Variants in KIF13B observed in about 807,000 individuals in gnomAD.
KIF13B encodes kinesin-like protein KIF13B.
In KIF13B, 127 loss-of-function variants were observed where a neutral mutation model predicts 222.0. The observed-to-expected ratio is 0.57, with a 90% CI of 0.50 to 0.66. KIF13B has a LOEUF of 0.66. Ranked by LOEUF, KIF13B falls within the 30% of genes least tolerant of loss-of-function variation. The pLI, the probability that KIF13B is intolerant of heterozygous loss-of-function variation, is 0.00. For missense variants in KIF13B, 2,173 were observed against 2,379.0 expected, an observed-to-expected ratio of 0.91 and a Z score of 1.80; for synonymous variants, 976 against 919.0, an observed-to-expected ratio of 1.06 and a Z score of -1.12.
chr8:29,116,674 AAGCAAGCATGGGTACAGGACAGC>A (rs1809610868), intron 31 of KIF13B, among the ~76,000 whole-genome samples, 134 bp downstream of exon 31: 2 of 152,184 alleles, frequency 1.3e-5, no homozygotes, highest in African/African-American at 2.4e-5. Flanking sequence ...CTGAGGCTTG[AAGCAAGCATGGGTACAGGACAGC>A]AGCAGTCACC....
At chr8:29,234,872 G>C (rs1815438689) in intron 2 of KIF13B, among the ~76,000 whole-genome samples, 1 of 152,108 alleles carries the variant, frequency 6.6e-6, no homozygotes, top group East Asian at 1.9e-4. Context: ...GGAGCCGGAA[G>C]AGGGCAGAAA....
At chr8:29,189,294 T>TG in intron 4 of KIF13B, 2 of 152,154 alleles carry the variant, frequency 1.3e-5, no homozygotes, top group Middle Eastern at 6.8e-3. Context: ...CCTTTTTTTT[T>TG]TTTTTTAATA....
rs895741450 is a variant in KIF13B, at chr8:29,165,899, T to A, written c.1159-127A>T. On this transcript the variant is annotated intron_variant, in intron 11 of 39. Transcript: ENST00000524189. Reference sequence around the variant, plus strand: ...CTGAATGTCACGCTGAGGTCTGACATCTACTTCGATTGTAGATCGAAGTAC... The same window carrying A: ...CTGAATGTCACGCTGAGGTCTGACAACTACTTCGATTGTAGATCGAAGTAC... 9.4e-5 allele frequency: 6 copies of A among 63,518 alleles called. No individual in the cohort carries two copies. The African/African-American group carries it at 2.2e-3, about 23-fold the overall frequency. The allele number at this position is 63,518 out of a possible 1,614,324, so 3.9% of individuals were successfully genotyped here.
At chr8:29,254,650 G>C (rs968620090) in intron 1 of KIF13B, among the ~76,000 whole-genome samples, 1 of 152,200 alleles carries the variant, frequency 6.6e-6, no homozygotes, top group African/African-American at 2.4e-5. Flanking sequence ...AGAGAGACAA[G>C]AACAAGTGTT....
intron 1 of KIF13B, among the ~76,000 whole-genome samples, chr8:29,257,941 C>A (rs1457141776): frequency 6.6e-6 from 1 of 152,242 alleles, no homozygotes; most frequent in African/African-American, 2.4e-5. Context: ...ATCCAAATTT[C>A]AGTCACTGAG....
chr8:29,231,360 G>A (rs754959637), intron 2 of KIF13B, among the ~76,000 whole-genome samples: 7 of 152,142 alleles, frequency 4.6e-5, no homozygotes, highest in Non-Finnish European at 7.3e-5. Flanking sequence ...TGACTAACAC[G>A]AAATCATACC....
intron 21 of KIF13B, among the ~76,000 whole-genome samples, chr8:29,135,334 G>A (rs953496066): frequency 2.0e-5 from 3 of 151,994 alleles, no homozygotes; most frequent in Non-Finnish European, 2.9e-5. Context: ...CATGAGCCAC[G>A]ATGCCTGGCG....
intron 3 of KIF13B, among the ~76,000 whole-genome samples, chr8:29,195,806 T>G (rs1408754608): frequency 2.0e-5 from 3 of 152,162 alleles, no homozygotes; most frequent in Admixed American, 2.0e-4. Context: ...AGAGCCAATC[T>G]ATGGAGGCGG....
intron 7 of KIF13B, 99 bp from the exon 8 acceptor site, chr8:29,180,337 G>C: frequency 8.4e-7 from 1 of 1,196,796 alleles, no homozygotes; most frequent in East Asian, 2.3e-5. Context: ...TTGCTACTTA[G>C]TCAACAACAT....
intron 1 of KIF13B, among the ~76,000 whole-genome samples, chr8:29,255,929 G>A (rs1341668828): frequency 6.6e-6 from 1 of 151,998 alleles, no homozygotes; most frequent in Non-Finnish European, 1.5e-5. Context: ...CTTGGCCTCT[G>A]TGACCGCCTC....
intron 3 of KIF13B, among the ~76,000 whole-genome samples, chr8:29,191,552 A>C (rs1813189079): frequency 6.6e-6 from 1 of 152,248 alleles, no homozygotes; most frequent in Non-Finnish European, 1.5e-5. Flanking sequence ...CTAATTTAAA[A>C]AAAGTTTATG....
chr8:29,203,591 C>G (rs544035866), intron 2 of KIF13B, among the ~76,000 whole-genome samples: 2 of 152,090 alleles, frequency 1.3e-5, no homozygotes, highest in Non-Finnish European at 2.9e-5. Context: ...CTGAAACACA[C>G]GACATTAAGA....
intron 1 of KIF13B, among the ~76,000 whole-genome samples, chr8:29,253,951 G>A (rs1816378605): frequency 6.6e-6 from 1 of 151,944 alleles, no homozygotes. Flanking sequence ...TAATACAAAG[G>A]TAGAGTAATC....
chr8:29,130,448 A>G, intron 24 of KIF13B, 85 bp downstream of exon 24: 1 of 1,369,352 alleles, frequency 7.3e-7, no homozygotes, highest in Non-Finnish European at 1.0e-6. Flanking sequence ...AGATTTCATT[A>G]TTGCCAACAT....
At chr8:29,129,968 G>A (rs1386501085) in intron 24 of KIF13B, among the ~76,000 whole-genome samples, 1 of 152,226 alleles carries the variant, frequency 6.6e-6, no homozygotes, top group Non-Finnish European at 1.5e-5. Context: ...GGACACTAGA[G>A]AGCCAGAATT....
chr8:29,200,138 T>G (rs892006603), intron 2 of KIF13B, among the ~76,000 whole-genome samples: 1 of 152,158 alleles, frequency 6.6e-6, no homozygotes, highest in African/African-American at 2.4e-5. Context: ...AGAGCTAAGT[T>G]TGCAGCTAGG....
In KIF13B at chr8:29,149,880, T is replaced by C. The variant is rs369239406; in HGVS notation, c.1622+417A>G. 8.5e-5 allele frequency among the ~76,000 whole-genome samples: 13 copies of C among 152,244 alleles called. No homozygotes were observed. The East Asian group carries it at 2.1e-3, about 25-fold the overall frequency. On this transcript the variant is annotated intron_variant, in intron 15 of 39. Transcript: ENST00000524189. ...TAACCCATTACAGTAAAATTTGCCA[T>C]GACTTAGAGCTGAAAAGAATTCCTA...
chr8:29,155,552 T>C (rs1384741133), intron 14 of KIF13B, among the ~76,000 whole-genome samples, 174 bp downstream of exon 14: 3 of 152,236 alleles, frequency 2.0e-5, no homozygotes, highest in African/African-American at 4.8e-5. Context: ...GCAGTGGGTA[T>C]AGAGAGGAAG....
At chr8:29,075,220 C>G in intron 38 of KIF13B, 61 bp downstream of exon 38, 1 of 1,383,598 alleles carries the variant, frequency 7.2e-7, no homozygotes, top group Non-Finnish European at 1.0e-6. Context: ...TCAACAGTTT[C>G]GGCATCAGGG....
Sources: allele counts gnomAD v4.1 joint callset (sites outside exome capture counted in the v4.1 genomes callset), GRCh38; gene constraint gnomAD v4.1.1; transcripts MANE v1.5; gene names NCBI Gene and HGNC (gene_info 2026-07-23, HGNC 2026-07-21).